Variants in USP54 observed in about 807,000 individuals in gnomAD.
USP54 encodes ubiquitin specific peptidase 54, also known as ubiquitin carboxyl-terminal hydrolase 54.
In USP54, 87 loss-of-function variants were observed where a neutral mutation model predicts 170.5. The observed-to-expected ratio is 0.51, with a 90% CI of 0.43 to 0.61. USP54 has a LOEUF of 0.61. Among genes scored for constraint, USP54 ranks in the 20% least tolerant of loss-of-function variants. USP54 has a pLI of 0.00. For synonymous variants in USP54, 655 were observed against 742.8 expected (o/e 0.88, Z 1.92); for missense variants, 1,786 against 2,047.8 (o/e 0.87, Z 2.47).
chr10:73,580,675 C>T (rs1309723413), intron 1 of USP54, among the ~76,000 whole-genome samples: 4 of 152,198 alleles, frequency 2.6e-5, no homozygotes, highest in African/African-American at 7.2e-5. Flanking sequence ...CGGGCTCAAG[C>T]GATTTTCCTG....
intron 1 of USP54, among the ~76,000 whole-genome samples, chr10:73,609,842 CAA>C (rs879852354): frequency 1.3e-4 from 8 of 63,830 alleles, no homozygotes; most frequent in Admixed American, 1.8e-4. Context: ...GATTCCGTCA[CAA>C]AAAAAAAAAA....
rs372330389 is a variant in USP54, at chr10:73,531,235, G to A, written c.1316-400C>T. On this transcript the variant is annotated intron_variant, in intron 12 of 23. Transcript: ENST00000687698. ...TCACTTGAACCCAGGAGGTTGCAGT[G>A]AGCCGAGATCACGCCACTGCACTCC... 5.3e-5 allele frequency among the ~76,000 whole-genome samples: 8 copies of A among 151,150 alleles called. No homozygotes were observed. The East Asian group carries it at 1.4e-3, about 26-fold the overall frequency.
At chr10:73,515,470 T>C (rs145226518) in intron 20 of USP54, among the ~76,000 whole-genome samples, 21 of 152,342 alleles carry the variant, frequency 1.4e-4, no homozygotes, top group African/African-American at 5.1e-4. Context: ...GACTATGATG[T>C]GCACTTCAGG....
intron 4 of USP54, among the ~76,000 whole-genome samples, chr10:73,565,419 G>T (rs942722142): frequency 3.9e-5 from 6 of 152,036 alleles, no homozygotes; most frequent in Middle Eastern, 3.4e-3. Flanking sequence ...GGGAGGCAGA[G>T]GCAAGAGGAT....
At chr10:73,521,056 T>C (rs1564675805) in intron 17 of USP54, 29 bp from the exon 18 acceptor site, 1 of 1,611,606 alleles carries the variant, frequency 6.2e-7, no homozygotes, top group Non-Finnish European at 8.5e-7. Context: ...TTCATTTTCA[T>C]TACAATTCAT....
chr10:73,509,632 A>G (rs1564628690), intron 20 of USP54, among the ~76,000 whole-genome samples: 1 of 151,790 alleles, frequency 6.6e-6, no homozygotes, highest in African/African-American at 2.4e-5. Context: ...AAAAAAAAAA[A>G]TCTTTATTTC....
chr10:73,616,335 CAA>C (rs60197778), intron 1 of USP54, among the ~76,000 whole-genome samples: 170 of 25,742 alleles, frequency 6.6e-3, no homozygotes, highest in African/African-American at 0.029. Flanking sequence ...GACTCCATCT[CAA>C]AAAAAAAAAA....
chr10:73,619,543 AAAAAG>A, intron 1 of USP54, among the ~76,000 whole-genome samples: 1 of 150,136 alleles, frequency 6.7e-6, no homozygotes, highest in East Asian at 1.9e-4. Flanking sequence ...AAAAAAAAAA[AAAAAG>A]AAAGAAAAAA....
At chr10:73,545,701 A>G (rs1191183005) in intron 4 of USP54, 29 bp from the exon 5 acceptor site, 4 of 1,610,024 alleles carry the variant, frequency 2.5e-6, no homozygotes, top group Middle Eastern at 1.6e-4. Context: ...ACAAGAGAAA[A>G]AGTACAATGC....
Position 73,579,043 on chromosome 10 carries a change from T to C in USP54, c.-581-2682A>G, listed in dbSNP as rs562352811. Among the ~76,000 whole-genome samples, 6 of 149,824 alleles carry C rather than the reference T, an allele frequency of 4.0e-5. No homozygotes were observed. In the East Asian group the frequency reaches 1.2e-3, roughly 30 times the overall value. ...GTAACCTCCACCTCCCCGGTTCAAGTGATTCTCCTTCCTCAGCCCCATCAC... is the reference window on the plus strand; with the variant it reads ...GTAACCTCCACCTCCCCGGTTCAAGCGATTCTCCTTCCTCAGCCCCATCAC... On this transcript the variant is annotated intron_variant, in intron 1 of 23. Coordinates refer to ENST00000687698, the MANE Select transcript of USP54 (RefSeq NM_001391956.1).
intron 4 of USP54, among the ~76,000 whole-genome samples, chr10:73,558,166 CA>C: frequency 6.6e-6 from 1 of 152,228 alleles, no homozygotes; most frequent in Middle Eastern, 3.4e-3. Context: ...AGGCATGAGC[CA>C]CCACGCCCAA....
intron 1 of USP54, among the ~76,000 whole-genome samples, chr10:73,612,768 A>G (rs1457664415): frequency 2.1e-5 from 3 of 140,134 alleles, no homozygotes; most frequent in Non-Finnish European, 3.0e-5. Context: ...TGAACCCACG[A>G]GGTGGAGGTT....
Position 73,541,428 on chromosome 10 carries a change from C to T in USP54, c.772G>A (p.Asp258Asn), listed in dbSNP as rs931805204. The part of the protein sequence containing the change: ...IGLVWDSDHS[D>N]LAEDVIHSLG... ...CTGTGGATAACATCTTCTGCTAAGT[C>T]TGAGTGGTCTGAGTCCCATACCAGC... Residue 258 changes from aspartate (D) to asparagine (N), a missense_variant, in exon 9 of 24, where the codon GAC (aspartate) becomes AAC (asparagine). Around this residue, in one of 3 missense-constraint regions of USP54, gnomAD observed 361 missense variants for 455.0 expected, o/e 0.79. Transcript: ENST00000687698. 2.5e-6 allele frequency: 4 copies of T among 1,614,212 alleles called. No homozygotes were observed. Among genetic ancestry groups the T allele is most frequent in the Non-Finnish European group, 3.4e-6 (4 of 1,180,036 alleles).
chr10:73,532,055 T>C (rs1366444321), intron 12 of USP54, among the ~76,000 whole-genome samples: 3 of 152,238 alleles, frequency 2.0e-5, no homozygotes, highest in Admixed American at 6.5e-5. Context: ...TGTAGTGATA[T>C]GGATACATAT....
chr10:73,575,690 GAGA>G lies in USP54; in HGVS notation c.-17-18_-17-16del. On this transcript the variant is annotated splice_polypyrimidine_tract_variant and intron_variant, in intron 2 of 23. Transcript: ENST00000687698. The stretch of plus-strand genomic sequence containing the variant: ...TCACATTTAGCCTGAAAAAAAAATG[GAGA>G]AGGATTTGTGCCTTTTTGGCAGGAA... 6.5e-7 allele frequency: 1 copy of G among 1,542,500 alleles called. No individual in the cohort carries two copies. The highest frequency in any genetic ancestry group is 2.3e-5 in the East Asian group (1 of 42,890).
At chr10:73,546,557 A>G (rs919632017) in intron 4 of USP54, 7 of 151,840 alleles carry the variant, frequency 4.6e-5, no homozygotes, top group African/African-American at 7.3e-5. Flanking sequence ...CTGGTCTCAA[A>G]CTCCTGGGCT....
chr10:73,551,347 T>G lies in USP54; in HGVS notation c.241-5675A>C, dbSNP rs542250511. ...CATTATTTTGGCTTAACCTAGAAAT[T>G]TATACACAAGTCCACTATAAGGTCA... On this transcript the variant is annotated intron_variant, in intron 4 of 23. Coordinates refer to ENST00000687698, the MANE Select transcript of USP54 (RefSeq NM_001391956.1). Among the ~76,000 whole-genome samples, 6 of 152,290 alleles carry G rather than the reference T, an allele frequency of 3.9e-5. No individual in the cohort carries two copies. The South Asian group carries it at 8.3e-4, about 21-fold the overall frequency.
chr10:73,545,238 C>T (rs1244258401), intron 5 of USP54, among the ~76,000 whole-genome samples: 1 of 152,122 alleles, frequency 6.6e-6, no homozygotes, highest in Non-Finnish European at 1.5e-5. Flanking sequence ...GACTCCTCTG[C>T]CGGGCCTACT....
chr10:73,550,792 G>A (rs1454930132), intron 4 of USP54, among the ~76,000 whole-genome samples: 2 of 152,132 alleles, frequency 1.3e-5, no homozygotes, highest in East Asian at 1.9e-4. Context: ...ACTAAATTTA[G>A]TTCTGCTAAT....
Sources: allele counts gnomAD v4.1 joint callset (sites outside exome capture counted in the v4.1 genomes callset), GRCh38; gene constraint gnomAD v4.1.1; regional missense constraint gnomAD v4.1.1; transcripts MANE v1.5; gene names NCBI Gene and HGNC (gene_info 2026-07-23, HGNC 2026-07-21).